The following IQCM variants were observed in gnomAD, a reference collection of about 807,000 sequenced individuals.
IQCM encodes the protein IQ motif containing M.
A neutral mutation model predicts 57.6 loss-of-function variants in IQCM; 45 were observed. The ratio of observed to expected loss-of-function variants is 0.78; its 90% CI spans 0.62 to 1.00. The LOEUF (loss-of-function observed/expected upper bound fraction) is 1.00. Among genes scored for constraint, IQCM ranks in the 50% least tolerant of loss-of-function variants. The pLI is 0.00. For missense variants in IQCM, 468 were observed against 511.6 expected (o/e 0.91, Z 0.82); for synonymous variants, 148 against 158.9 (o/e 0.93, Z 0.51).
chr4:149,590,562 A>G (rs1309738737), intron 8 of IQCM, among the ~76,000 whole-genome samples: 2 of 151,912 alleles, frequency 1.3e-5, no homozygotes, highest in African/African-American at 2.4e-5. Flanking sequence ...TCAATCCATC[A>G]TCTGCATTAG....
chr4:149,691,076 T>G (rs747849234), intron 5 of IQCM: 4 of 152,170 alleles, frequency 2.6e-5, no homozygotes, highest in Non-Finnish European at 4.4e-5. Flanking sequence ...GGAGAATTTT[T>G]AAGTTTGAGT....
chr4:149,794,387 C>G (rs1772920905), intron 2 of IQCM, among the ~76,000 whole-genome samples: 2 of 152,184 alleles, frequency 1.3e-5, no homozygotes, highest in African/African-American at 4.8e-5. Context: ...CTGCCTATTA[C>G]ACAGTGTCCA....
chr4:149,443,361 C>T (rs1736162794), intron 12 of IQCM, among the ~76,000 whole-genome samples: 1 of 152,076 alleles, frequency 6.6e-6, no homozygotes, highest in Admixed American at 6.6e-5. Flanking sequence ...GCTTAATAAA[C>T]TTAAGGATAT....
chr4:149,485,220 ATCT>A (rs1283259525), intron 12 of IQCM, among the ~76,000 whole-genome samples: 2 of 151,854 alleles, frequency 1.3e-5, no homozygotes, highest in African/African-American at 4.8e-5. Flanking sequence ...GTGTTCTATA[ATCT>A]TCTTATATGT....
chr4:149,804,961 A>G (rs549247480), intron 2 of IQCM, among the ~76,000 whole-genome samples: 1 of 152,064 alleles, frequency 6.6e-6, no homozygotes, highest in Non-Finnish European at 1.5e-5. Context: ...TGCTGGGAAC[A>G]TATAACTGCC....
intron 13 of IQCM, among the ~76,000 whole-genome samples, chr4:149,375,173 A>G (rs899541748): frequency 1.3e-5 from 2 of 152,164 alleles, no homozygotes; most frequent in Admixed American, 1.3e-4. Flanking sequence ...TACCATACAT[A>G]TTTATATGTG....
intron 13 of IQCM, among the ~76,000 whole-genome samples, chr4:149,391,111 G>T (rs976508195): frequency 1.3e-5 from 2 of 151,910 alleles, no homozygotes; most frequent in Non-Finnish European, 2.9e-5. Context: ...ATCCAACAAT[G>T]AAGCTTTCTG....
chr4:149,563,404 C>G (rs1405007313), intron 10 of IQCM, among the ~76,000 whole-genome samples: 1 of 152,076 alleles, frequency 6.6e-6, no homozygotes, highest in Non-Finnish European at 1.5e-5. Context: ...ACAGATTATT[C>G]ATCACATTTT....
intron 12 of IQCM, among the ~76,000 whole-genome samples, chr4:149,443,714 GAA>G (rs1560845169): frequency 3.6e-4 from 54 of 149,852 alleles, no homozygotes; most frequent in African/African-American, 1.2e-3. Flanking sequence ...GAAAGGAAAG[GAA>G]AGGAAAGGAA....
At chr4:149,439,928 G>C (rs1735747453) in intron 12 of IQCM, among the ~76,000 whole-genome samples, 1 of 150,754 alleles carries the variant, frequency 6.6e-6, no homozygotes, top group Admixed American at 6.6e-5. Flanking sequence ...TCACAGGTCA[G>C]ATGCACGAAT....
chr4:149,457,191 C>G (rs1737791846), intron 12 of IQCM, among the ~76,000 whole-genome samples: 1 of 151,958 alleles, frequency 6.6e-6, no homozygotes, highest in Admixed American at 6.6e-5. Flanking sequence ...ACTAGAGTTA[C>G]AAGAAAACTT....
chr4:149,436,009 TAA>T (rs1250401286), intron 12 of IQCM, among the ~76,000 whole-genome samples: 1 of 152,124 alleles, frequency 6.6e-6, no homozygotes, highest in Non-Finnish European at 1.5e-5. Flanking sequence ...ACTGTTGTTA[TAA>T]AGTTAGTGTC....
At chr4:149,607,480 AAC>A (rs1471143474) in intron 8 of IQCM, among the ~76,000 whole-genome samples, 4 of 152,108 alleles carry the variant, frequency 2.6e-5, no homozygotes, top group Non-Finnish European at 4.4e-5. Flanking sequence ...AAAGTACACA[AAC>A]ACAGAATACT....
intron 12 of IQCM, among the ~76,000 whole-genome samples, chr4:149,453,145 T>C (rs1269796313): frequency 1.3e-5 from 2 of 151,460 alleles, no homozygotes; most frequent in Non-Finnish European, 3.0e-5. Context: ...TACTAAAAAC[T>C]GCAAAAGAAT....
At chr4:149,521,248 T>A (rs936189023) in intron 12 of IQCM, among the ~76,000 whole-genome samples, 2 of 151,618 alleles carry the variant, frequency 1.3e-5, no homozygotes, top group African/African-American at 4.9e-5. Context: ...CCCCATGCAT[T>A]TGAAAGGAAG....
chr4:149,528,629 G>T (rs1358654701), intron 12 of IQCM, among the ~76,000 whole-genome samples: 2 of 152,134 alleles, frequency 1.3e-5, no homozygotes, highest in Admixed American at 1.3e-4. Context: ...TAAGCCTGAG[G>T]AATTGAGGTA....
chr4:149,479,317 A>G (rs1156249670), intron 12 of IQCM, among the ~76,000 whole-genome samples: 1 of 152,196 alleles, frequency 6.6e-6, no homozygotes, highest in East Asian at 1.9e-4. Context: ...AGGGGTAGAG[A>G]TCATAGATCC....
intron 8 of IQCM, among the ~76,000 whole-genome samples, chr4:149,611,734 A>G (rs1039524521): frequency 5.3e-5 from 8 of 152,098 alleles, no homozygotes; most frequent in Admixed American, 5.3e-4. Context: ...GGGTACAAAA[A>G]TATAGTTAGA....
chr4:149,780,663 C>A (rs1168953764), intron 2 of IQCM, among the ~76,000 whole-genome samples: 6 of 151,858 alleles, frequency 4.0e-5, no homozygotes, highest in East Asian at 3.9e-4. Flanking sequence ...GAAAGAAAAA[C>A]CGTTCCTAAA....
Sources: allele counts gnomAD v4.1 joint callset (sites outside exome capture counted in the v4.1 genomes callset), GRCh38; gene constraint gnomAD v4.1.1; transcripts MANE v1.5; gene names NCBI Gene and HGNC (gene_info 2026-07-23, HGNC 2026-07-21).